SAMD4B: variants seen among roughly 807,000 people sequenced by gnomAD.
SAMD4B encodes sterile alpha motif domain containing 4B.
Under a neutral mutation model 74.5 loss-of-function variants are expected in SAMD4B, and 5 were observed. That is an observed-to-expected ratio of 0.07 (90% CI 0.04 to 0.14). The LOEUF (loss-of-function observed/expected upper bound fraction) is 0.14, where lower values mean the gene tolerates loss of function less well. SAMD4B is among the 10% of genes least tolerant of loss of function. SAMD4B has a pLI of 1.00. For synonymous variants in SAMD4B, 373 were observed against 374.9 expected, an observed-to-expected ratio of 1.00 and a Z score of 0.06; for missense variants, 608 against 921.8, an observed-to-expected ratio of 0.66 and a Z score of 4.41.
At chr19:39,346,442 T>G (rs2075708073) in intron 1 of SAMD4B, among the ~76,000 whole-genome samples, 2 of 152,198 alleles carry the variant, frequency 1.3e-5, no homozygotes, top group Admixed American at 1.3e-4. Flanking sequence ...TTTCCTCCAT[T>G]TGCATTGTAT....
At chr19:39,344,006 C>T (rs1310364863) in intron 1 of SAMD4B, among the ~76,000 whole-genome samples, 2 of 123,840 alleles carry the variant, frequency 1.6e-5, no homozygotes, top group Non-Finnish European at 3.5e-5. Context: ...CACACACACA[C>T]AGCTTAGAGA....
At position 39,383,922 on chromosome 19, in the gene SAMD4B, T is replaced by G; in HGVS notation, c.*395T>G. On this transcript the variant is annotated 3_prime_UTR_variant, in exon 14 of 14. Transcript: ENST00000610417. The surrounding 1 kb of genome is among the most constrained non-coding windows in gnomAD (Gnocchi z 4.1). ...CTGACCACTACCTTGTGGAGCCTGC[T>G]CAGAAACATTTGACATTTGGGGTGA... is the stretch of plus-strand genomic sequence containing the variant. 1 of 575,752 alleles carries G rather than the reference T, an allele frequency of 1.7e-6. No homozygotes were observed. The highest frequency in any genetic ancestry group is 3.1e-6 in the Non-Finnish European group (1 of 324,028). 35.7% of individuals were successfully genotyped at this position (575,752 alleles called of 1,614,324 possible).
intron 3 of SAMD4B, among the ~76,000 whole-genome samples, chr19:39,358,598 T>C (rs1434171347): frequency 6.9e-6 from 1 of 145,458 alleles, no homozygotes; most frequent in African/African-American, 2.6e-5. Flanking sequence ...GTATGTAACC[T>C]CAGTAAAAAA....
chr19:39,383,635 A>G lies in SAMD4B; in HGVS notation c.*108A>G. The G allele has an allele frequency of 6.2e-7, 1 of 1,609,280 alleles. No homozygotes were observed. The highest frequency in any genetic ancestry group is 8.5e-7 in the Non-Finnish European group (1 of 1,178,346). On this transcript the variant is annotated 3_prime_UTR_variant, in exon 14 of 14. Coordinates refer to ENST00000610417, the MANE Select transcript of SAMD4B (RefSeq NM_001384574.2). This position sits in a 1 kb window ranked among gnomAD's most constrained non-coding sequence, Gnocchi z 4.1. Reference sequence around the variant, plus strand: ...AGAGGGTGGGCTGGCTCAGCTATATATTCTAATATTTTTCTACTCTCTTAC... The same window carrying G: ...AGAGGGTGGGCTGGCTCAGCTATATGTTCTAATATTTTTCTACTCTCTTAC...
chr19:39,383,295 A>G lies in SAMD4B; in HGVS notation c.2056+4A>G. On this transcript the variant is annotated splice_donor_region_variant and intron_variant, in intron 13 of 13. Coordinates refer to ENST00000610417, the MANE Select transcript of SAMD4B (RefSeq NM_001384574.2). This position sits in a 1 kb window ranked among gnomAD's most constrained non-coding sequence, Gnocchi z 4.1. ...ATGACAGAACACGCCTTGGGTGGTGAGCATTTCCTCTTTCCCTGACCCAGC... is the reference window on the plus strand; with the variant it reads ...ATGACAGAACACGCCTTGGGTGGTGGGCATTTCCTCTTTCCCTGACCCAGC... 1 of 1,613,658 alleles carries G rather than the reference A, an allele frequency of 6.2e-7. No homozygotes were observed. Among genetic ancestry groups the G allele is most frequent in the Non-Finnish European group, 8.5e-7 (1 of 1,179,732 alleles).
intron 3 of SAMD4B, among the ~76,000 whole-genome samples, chr19:39,365,372 G>A (rs936631615): frequency 1.3e-5 from 2 of 151,582 alleles, no homozygotes; most frequent in African/African-American, 4.9e-5. Context: ...TGGCCAATAT[G>A]GCAAAAGCCC....
intron 3 of SAMD4B, 52 bp downstream of exon 3, chr19:39,357,141 A>G: frequency 1.3e-6 from 2 of 1,489,474 alleles, no homozygotes; most frequent in Non-Finnish European, 1.8e-6. Flanking sequence ...GACCTGGAAC[A>G]GATGTCACAT....
Position 39,369,930 on chromosome 19 carries a change from T to G in SAMD4B, c.472T>G (p.Phe158Val), listed in dbSNP as rs1278289731. The change falls in exon 4 of 14, where the codon TTC becomes GTC. Residue 158 changes from phenylalanine to valine, a missense_variant. Phe to Val is a conservative substitution (Grantham distance 50, BLOSUM62 -1). Coordinates refer to ENST00000610417, the MANE Select transcript of SAMD4B (RefSeq NM_001384574.2). ...SHLEERLASG[F>V]RSRPEPSYHS... The stretch of plus-strand genomic sequence containing the variant: ...CCTGGAAGAGCGGTTGGCTAGTGGC[T>G]TCCGCTCCCGGCCAGAGCCCTCCTA... 6.2e-7 allele frequency: 1 copy of G among 1,614,078 alleles called. No individual in the cohort carries two copies. The highest frequency in any genetic ancestry group is 2.2e-5 in the East Asian group (1 of 44,878).
At chr19:39,386,093 G>A, downstream of SAMD4B, 1 of 1,614,028 alleles carries the variant, frequency 6.2e-7, no homozygotes, top group Non-Finnish European at 8.5e-7. The surrounding 1 kb of genome is among the most constrained non-coding windows in gnomAD (Gnocchi z 6.1). Context: ...GACTGGCGCT[G>A]CGGCTGTGGC....
chr19:39,346,475 C>T lies in SAMD4B; in HGVS notation c.-267+3899C>T, dbSNP rs1382279760. The stretch of plus-strand genomic sequence containing the variant: ...TATTTGCCAGCTGCACTTTAGTGAC[C>T]TACAGAGTAATAATAATAATGACCA... On this transcript the variant is annotated intron_variant, in intron 1 of 13. Coordinates refer to ENST00000610417, the MANE Select transcript of SAMD4B (RefSeq NM_001384574.2). Among the ~76,000 whole-genome samples, 3 of 152,182 alleles carry T rather than the reference C, an allele frequency of 2.0e-5. No individual in the cohort carries two copies. The South Asian group carries it at 6.2e-4, about 31-fold the overall frequency.
intron 3 of SAMD4B, among the ~76,000 whole-genome samples, chr19:39,364,859 G>C (rs1232421569): frequency 6.6e-6 from 1 of 152,194 alleles, no homozygotes; most frequent in South Asian, 2.1e-4. Flanking sequence ...AGGTTTCCTA[G>C]CTTTGAGTGG....
chr19:39,380,377 T>C (rs750706503), intron 10 of SAMD4B, among the ~76,000 whole-genome samples: 6 of 152,214 alleles, frequency 3.9e-5, no homozygotes, highest in Non-Finnish European at 8.8e-5. Context: ...GAATTGAAGA[T>C]TGGAGAACTG....
chr19:39,383,099 C>A lies in SAMD4B; in HGVS notation c.1973-109C>A, dbSNP rs1450731918. 1.2e-6 allele frequency: 1 copy of A among 867,066 alleles called. No individual in the cohort carries two copies. The highest frequency in any genetic ancestry group is 1.6e-5 in the African/African-American group (1 of 60,660). 53.7% of individuals were successfully genotyped at this position (867,066 alleles called of 1,614,324 possible). A position where few individuals can be genotyped will look rare whatever the true frequency, so the allele number is the denominator to read the frequency against. On this transcript the variant is annotated intron_variant, in intron 12 of 13. Coordinates refer to ENST00000610417, the MANE Select transcript of SAMD4B (RefSeq NM_001384574.2). The surrounding 1 kb of genome is among the most constrained non-coding windows in gnomAD (Gnocchi z 4.1). ...ACCTCCTCCCGTTCTTCCCTCTCCCCCTCCATCTCTCTTGCTCCCTTCCCA... is the reference window on the plus strand; with the variant it reads ...ACCTCCTCCCGTTCTTCCCTCTCCCACTCCATCTCTCTTGCTCCCTTCCCA...
downstream of SAMD4B, chr19:39,385,866 C>T (rs1463886007): frequency 2.1e-6 from 3 of 1,416,480 alleles, no homozygotes; most frequent in Non-Finnish European, 2.8e-6. Context: ...GAGAAGTTGA[C>T]TTTATTAACA....
rs369146623 is a variant in SAMD4B at position 39,378,602 on chromosome 19, C to T, written c.1530+13C>T. 5.3e-5 allele frequency: 85 copies of T among 1,611,918 alleles called. No individual in the cohort carries two copies. In the African/African-American group the frequency reaches 9.9e-4, roughly 19 times the overall value. On this transcript the variant is annotated intron_variant, in intron 9 of 13. Coordinates refer to ENST00000610417, the MANE Select transcript of SAMD4B (RefSeq NM_001384574.2). This position sits in a 1 kb window ranked among gnomAD's most constrained non-coding sequence, Gnocchi z 4.4. ...CCTGACTCATGAGGTAAGGCCTTCC[C>T]TAGCATACTCAAAAAGGGAAAGGCG...
chr19:39,385,791 C>G (rs2078232367), downstream of SAMD4B: 1 of 736,668 alleles, frequency 1.4e-6, no homozygotes. Context: ...TCCTTGAGCA[C>G]CTGGGGGTTG....
At chr19:39,346,001 G>A (rs1205600385) in intron 1 of SAMD4B, among the ~76,000 whole-genome samples, 27 of 151,978 alleles carry the variant, frequency 1.8e-4, no homozygotes, top group Non-Finnish European at 1.5e-5. Context: ...TGCCTCACCC[G>A]TCCTGGTTGG....
At chr19:39,349,240 G>A (rs571666243) in intron 1 of SAMD4B, among the ~76,000 whole-genome samples, 1 of 152,214 alleles carries the variant, frequency 6.6e-6, no homozygotes, top group Non-Finnish European at 1.5e-5. Context: ...TGTCTCAGTT[G>A]TCCACAGAGA....
In SAMD4B at chr19:39,356,845, C is replaced by T. The variant is rs768597590; in HGVS notation, c.-49C>T. ...CCAGAGCCGGGACCATGTGACGGCGCTGGCCCTCGCCACCGCCGTCCCCCG... is the reference window on the plus strand; with the variant it reads ...CCAGAGCCGGGACCATGTGACGGCGTTGGCCCTCGCCACCGCCGTCCCCCG... On this transcript the variant is annotated 5_prime_UTR_variant, in exon 3 of 14. Transcript: ENST00000610417. The T allele has an allele frequency of 1.7e-5, 25 of 1,506,364 alleles. No individual in the cohort carries two copies. The highest frequency in any genetic ancestry group is 2.0e-5 in the Non-Finnish European group (22 of 1,105,230). The allele number at this position is 1,506,364 out of a possible 1,614,324, so 93.3% of individuals were successfully genotyped here.
Sources: allele counts gnomAD v4.1 joint callset (sites outside exome capture counted in the v4.1 genomes callset), GRCh38; gene constraint gnomAD v4.1.1; non-coding constraint Gnocchi (gnomAD v3.1); transcripts MANE v1.5; gene names NCBI Gene and HGNC (gene_info 2026-07-23, HGNC 2026-07-21).